The following GABRG1 variants were observed in gnomAD, a reference collection of about 807,000 sequenced individuals.
GABRG1 encodes the protein gamma-aminobutyric acid type A receptor subunit gamma1, also known as gamma-aminobutyric acid receptor subunit gamma-1.
GABRG1 carries 49 observed loss-of-function variants against 49.8 expected under a neutral mutation model. The ratio of observed to expected loss-of-function variants is 0.98; its 90% CI spans 0.78 to 1.25. The LOEUF (loss-of-function observed/expected upper bound fraction) is 1.25, where lower values mean the gene tolerates loss of function less well. Among genes scored for constraint, GABRG1 ranks in the 50% most tolerant of loss-of-function variants. The probability of loss-of-function intolerance (pLI) is 0.00; values close to 1 mark genes in which losing one functional copy is unlikely to be tolerated. For missense variants in GABRG1, 552 were observed against 552.3 expected (o/e 1.00, Z 0.01); for synonymous variants, 232 against 185.1 (o/e 1.25, Z -2.06).
Position 46,093,752 on chromosome 4 carries a change from A to C in GABRG1, c.253+3449T>G, listed in dbSNP as rs1720079928. Among the ~76,000 whole-genome samples, 4 of 151,854 alleles carry C rather than the reference A, an allele frequency of 2.6e-5. No homozygotes were observed. In the South Asian group the frequency reaches 8.3e-4, roughly 32 times the overall value. On this transcript the variant is annotated intron_variant, in intron 2 of 8. Transcript: ENST00000295452. ...ATGTATCCATAAAAATAAAAGTAAA[A>C]CTTTTTTTAAAAAAGGAGACAAAAC...
In GABRG1 at chr4:46,044,441, A is replaced by G. The variant is rs965373510; in HGVS notation, c.1132-3187T>C. ...GGCTGCAGTGAGCTGTGATTGCACT[A>G]CTGCATTCCAGCCTGGGTGATGGAG... is the stretch of plus-strand genomic sequence containing the variant. On this transcript the variant is annotated intron_variant, in intron 8 of 8. Transcript: ENST00000295452. 6.6e-4 allele frequency among the ~76,000 whole-genome samples: 100 copies of G among 151,976 alleles called. 2 individuals carry two copies. Among genetic ancestry groups the G allele is most frequent in the Admixed American group, 6.5e-3 (99 of 15,236 alleles).
intron 7 of GABRG1, among the ~76,000 whole-genome samples, chr4:46,052,875 C>T (rs1432403983): frequency 6.6e-6 from 1 of 151,814 alleles, no homozygotes; most frequent in Non-Finnish European, 1.5e-5. Flanking sequence ...TTGAAACATA[C>T]CCTAAAAATT....
intron 1 of GABRG1, among the ~76,000 whole-genome samples, chr4:46,119,022 C>T (rs917615731): frequency 2.0e-5 from 3 of 151,082 alleles, no homozygotes; most frequent in Non-Finnish European, 4.4e-5. Flanking sequence ...ATATAGCATC[C>T]TTTAAAATAA....
chr4:46,097,638 A>C (rs1057332200), intron 1 of GABRG1, among the ~76,000 whole-genome samples: 6 of 151,660 alleles, frequency 4.0e-5, no homozygotes, highest in Non-Finnish European at 5.9e-5. Context: ...TTCCACCAAA[A>C]TATGACTGGT....
intron 1 of GABRG1, among the ~76,000 whole-genome samples, chr4:46,117,574 C>CTG (rs1325829399): frequency 7.3e-4 from 92 of 126,228 alleles, no homozygotes; most frequent in African/African-American, 3.7e-3. Context: ...CTCTCTCTCT[C>CTG]TCTCTCTGTC....
chr4:46,092,439 T>A (rs1000896643), intron 2 of GABRG1, among the ~76,000 whole-genome samples: 2 of 151,932 alleles, frequency 1.3e-5, no homozygotes, highest in Non-Finnish European at 2.9e-5. Flanking sequence ...AATTTATAAA[T>A]GAATATGTGT....
In GABRG1 at chr4:46,123,992, G is replaced by T; in HGVS notation, c.-79C>A. 9.6e-7 allele frequency: 1 copy of T among 1,042,522 alleles called. No homozygotes were observed. Among genetic ancestry groups the T allele is most frequent in the Non-Finnish European group, 1.5e-6 (1 of 676,826 alleles). The allele number at this position is 1,042,522 out of a possible 1,614,324, so 64.6% of individuals were successfully genotyped here. A position where few individuals can be genotyped will look rare whatever the true frequency, so the allele number is the denominator to read the frequency against. ...TTTCCTCCCACCTCAGCAGCAGCTG[G>T]CTGAGTACAGAAGGGAGAGTGTGGA... On this transcript the variant is annotated 5_prime_UTR_variant, in exon 1 of 9. Coordinates refer to ENST00000295452, the MANE Select transcript of GABRG1 (RefSeq NM_173536.4).
intron 3 of GABRG1, among the ~76,000 whole-genome samples, chr4:46,077,515 G>A (rs1051706403): frequency 1.4e-4 from 21 of 151,744 alleles, no homozygotes; most frequent in African/African-American, 5.1e-4. Context: ...GGTTGAGTAT[G>A]TATTTCTTTT....
At chr4:46,070,580 A>G (rs1719080960) in intron 3 of GABRG1, among the ~76,000 whole-genome samples, 1 of 152,036 alleles carries the variant, frequency 6.6e-6, no homozygotes, top group Admixed American at 6.6e-5. Context: ...GGTACTCCAT[A>G]GAAACACAGC....
chr4:46,059,661 C>T lies in GABRG1; in HGVS notation c.626-1039G>A, dbSNP rs897103465. ...CCCCTGACCTCAGGTGATCTGCTCC[C>T]CTCGGCCTCCCAAAGTGCTGAGATT... On this transcript the variant is annotated intron_variant, in intron 5 of 8. Coordinates refer to ENST00000295452, the MANE Select transcript of GABRG1 (RefSeq NM_173536.4). 3.3e-5 allele frequency among the ~76,000 whole-genome samples: 5 copies of T among 152,158 alleles called. No individual in the cohort carries two copies. The East Asian group carries it at 7.8e-4, about 24-fold the overall frequency.
intron 7 of GABRG1, among the ~76,000 whole-genome samples, chr4:46,057,469 C>CA: frequency 6.6e-6 from 1 of 152,110 alleles, no homozygotes; most frequent in Non-Finnish European, 1.5e-5. Flanking sequence ...AATTGATTAA[C>CA]AAGTTTTATT....
intron 1 of GABRG1, among the ~76,000 whole-genome samples, chr4:46,109,160 G>C (rs2109439440): frequency 6.6e-6 from 1 of 150,408 alleles, no homozygotes; most frequent in East Asian, 2.0e-4. Flanking sequence ...GCTTTTTTTT[G>C]GTTAGTATTT....
At chr4:46,112,608 T>C (rs528375520) in intron 1 of GABRG1, among the ~76,000 whole-genome samples, 1 of 151,240 alleles carries the variant, frequency 6.6e-6, no homozygotes, top group East Asian at 2.0e-4. Flanking sequence ...AGTGGTGGAT[T>C]GGATAAAGAA....
At chr4:46,071,856 T>C (rs1032422088) in intron 3 of GABRG1, among the ~76,000 whole-genome samples, 3 of 152,012 alleles carry the variant, frequency 2.0e-5, no homozygotes, top group African/African-American at 7.2e-5. Context: ...AAATAAAAAA[T>C]TCAGTAAGCT....
At chr4:46,065,115 C>T (rs948942790) in intron 4 of GABRG1, among the ~76,000 whole-genome samples, 1 of 152,086 alleles carries the variant, frequency 6.6e-6, no homozygotes, top group Non-Finnish European at 1.5e-5. Context: ...AATCTTTATG[C>T]TGCAACCTGT....
At chr4:46,108,344 A>G (rs1577668688) in intron 1 of GABRG1, among the ~76,000 whole-genome samples, 1 of 151,108 alleles carries the variant, frequency 6.6e-6, no homozygotes, top group Non-Finnish European at 1.5e-5. Context: ...CCGTGTGAGA[A>G]GTAGTGTTTT....
intron 2 of GABRG1, among the ~76,000 whole-genome samples, chr4:46,092,930 A>G (rs1239106606): frequency 2.0e-5 from 3 of 151,670 alleles, no homozygotes; most frequent in African/African-American, 7.3e-5. Context: ...TTAGCCGGAC[A>G]TGGTGGCGCA....
At chr4:46,117,668 AGCTG>A (rs1720949233) in intron 1 of GABRG1, among the ~76,000 whole-genome samples, 1 of 144,842 alleles carries the variant, frequency 6.9e-6, no homozygotes, top group African/African-American at 2.5e-5. Flanking sequence ...ATACGTATAT[AGCTG>A]TATATATATA....
rs1263425012 is a variant in GABRG1 at position 46,097,377 on chromosome 4, G to A, written c.105-28C>T. The A allele has an allele frequency of 6.3e-6, 10 of 1,580,200 alleles. No individual in the cohort carries two copies. In the South Asian group the frequency reaches 1.0e-4, roughly 16 times the overall value. ...AAATAATTCAAAGAAAAAAATGGAT[G>A]GTAGAAGGTTCAATCAAATCATGTA... is the stretch of plus-strand genomic sequence containing the variant. On this transcript the variant is annotated intron_variant, in intron 1 of 8. Coordinates refer to ENST00000295452, the MANE Select transcript of GABRG1 (RefSeq NM_173536.4).
Sources: gnomAD v4.1 joint callset for allele counts (sites outside exome capture counted in the v4.1 genomes callset) on GRCh38, gnomAD v4.1.1 for gene constraint, MANE v1.5 for transcripts, NCBI Gene and HGNC (gene_info 2026-07-23, HGNC 2026-07-21) for gene names.